Variants in PCSK6 observed in about 807,000 individuals in gnomAD.
PCSK6 encodes paired basic amino acid cleaving enzyme 4.
In PCSK6, 85 loss-of-function variants were observed where a neutral mutation model predicts 123.3. The ratio of observed to expected loss-of-function variants is 0.69; its 90% CI spans 0.58 to 0.83. The LOEUF (loss-of-function observed/expected upper bound fraction) is 0.83. PCSK6 is among the 40% of genes least tolerant of loss of function. The pLI is 0.00. For synonymous variants in PCSK6, 508 were observed against 516.0 expected, an observed-to-expected ratio of 0.98 and a Z score of 0.21; for missense variants, 1,191 against 1,282.3, an observed-to-expected ratio of 0.93 and a Z score of 1.09.
At chr15:101,365,105 T>A in intron 13 of PCSK6, 1 of 705,118 alleles carries the variant, frequency 1.4e-6, no homozygotes, top group Admixed American at 1.8e-5. Flanking sequence ...TACAAAAGAA[T>A]GAGTTTGGAC....
At chr15:101,479,104 T>A (rs2057804127) in intron 1 of PCSK6, among the ~76,000 whole-genome samples, 1 of 152,098 alleles carries the variant, frequency 6.6e-6, no homozygotes, top group Admixed American at 6.5e-5. Flanking sequence ...GTCCAGAGGG[T>A]CTAGCGGGGA....
intron 13 of PCSK6, among the ~76,000 whole-genome samples, chr15:101,348,534 T>C (rs2040803610): frequency 1.3e-5 from 2 of 152,338 alleles, no homozygotes; most frequent in East Asian, 3.9e-4. Flanking sequence ...GAATTCGATA[T>C]GTAACTGACA....
At chr15:101,426,319 G>A (rs2056253397) in intron 6 of PCSK6, among the ~76,000 whole-genome samples, 3 of 152,214 alleles carry the variant, frequency 2.0e-5, no homozygotes, top group African/African-American at 4.8e-5. Context: ...CCTTGGCTCA[G>A]AGAGGTTATG....
chr15:101,331,530 G>C (rs1188395883), intron 15 of PCSK6, 121 bp downstream of exon 15: 3 of 832,236 alleles, frequency 3.6e-6, no homozygotes, highest in Non-Finnish European at 6.1e-6. Flanking sequence ...CTTTGGAAAG[G>C]GGGTGCTCCT....
chr15:101,473,261 G>A lies in PCSK6; in HGVS notation c.297+16113C>T, dbSNP rs140550280. Among the ~76,000 whole-genome samples, 554 of 151,982 alleles carry A rather than the reference G, an allele frequency of 3.6e-3. 3 individuals carry two copies. Among genetic ancestry groups the A allele is most frequent in the African/African-American group, 0.013 (540 of 41,462 alleles). ...CTGGCTAATTTTTTTATTTTTTGTAGAGACAGTGTCTCACTCTGTCATCCA... is the reference window on the plus strand; with the variant it reads ...CTGGCTAATTTTTTTATTTTTTGTAAAGACAGTGTCTCACTCTGTCATCCA... On this transcript the variant is annotated intron_variant, in intron 1 of 21. Transcript: ENST00000611716.
At chr15:101,427,027 G>A (rs755612352) in intron 6 of PCSK6, among the ~76,000 whole-genome samples, 7 of 152,216 alleles carry the variant, frequency 4.6e-5, no homozygotes, top group Admixed American at 1.3e-4. Context: ...CTCAGTTCCC[G>A]GGTCAGTGAC....
intron 6 of PCSK6, among the ~76,000 whole-genome samples, chr15:101,413,226 A>C (rs1391974528): frequency 6.6e-6 from 1 of 152,232 alleles, no homozygotes; most frequent in Non-Finnish European, 1.5e-5. Context: ...TGTATGTTTA[A>C]TATGTATGTA....
chr15:101,391,815 G>A (rs890315573), intron 8 of PCSK6, among the ~76,000 whole-genome samples: 8 of 149,600 alleles, frequency 5.3e-5, no homozygotes, highest in Non-Finnish European at 1.0e-4. Context: ...CCTCCTGTCA[G>A]AGCAGACTTC....
At chr15:101,420,990 A>C (rs1292482309) in intron 6 of PCSK6, among the ~76,000 whole-genome samples, 1 of 152,224 alleles carries the variant, frequency 6.6e-6, no homozygotes, top group East Asian at 1.9e-4. Flanking sequence ...TCTGTTGCCC[A>C]GGCTGGAGTG....
At chr15:101,376,326 T>C (rs1486404212) in intron 11 of PCSK6, among the ~76,000 whole-genome samples, 1 of 152,170 alleles carries the variant, frequency 6.6e-6, no homozygotes, top group Non-Finnish European at 1.5e-5. Flanking sequence ...CACTGTCTAG[T>C]GTCAAACAGC....
intron 21 of PCSK6, among the ~76,000 whole-genome samples, chr15:101,306,848 G>C (rs2039733746): frequency 1.3e-5 from 2 of 152,122 alleles, no homozygotes; most frequent in African/African-American, 4.8e-5. Flanking sequence ...AGGCTTCCTG[G>C]CTTTGACCCC....
chr15:101,436,292 G>A (rs890696521), intron 2 of PCSK6, among the ~76,000 whole-genome samples: 2 of 152,120 alleles, frequency 1.3e-5, no homozygotes, highest in African/African-American at 2.4e-5. Flanking sequence ...CTCCCCCAGC[G>A]GTCCAGGGGT....
intron 13 of PCSK6, among the ~76,000 whole-genome samples, chr15:101,332,707 T>G (rs1231233232): frequency 6.6e-6 from 1 of 152,124 alleles, no homozygotes. Flanking sequence ...ATGGGGGACA[T>G]CAGAGACAGA....
At chr15:101,466,446 A>T (rs1048414302) in intron 1 of PCSK6, among the ~76,000 whole-genome samples, 1 of 152,204 alleles carries the variant, frequency 6.6e-6, no homozygotes, top group Admixed American at 6.5e-5. Context: ...GCAGTTTCTC[A>T]GAAATGTAAA....
At chr15:101,352,635 T>C (rs1428540042) in intron 13 of PCSK6, among the ~76,000 whole-genome samples, 1 of 152,256 alleles carries the variant, frequency 6.6e-6, no homozygotes, top group Non-Finnish European at 1.5e-5. Flanking sequence ...GTTCCCTTGA[T>C]CGGTCTATTC....
At position 101,364,945 on chromosome 15, in the gene PCSK6, C is replaced by G. The variant is rs751444225; in HGVS notation, c.1858+1251G>C. On this transcript the variant is annotated intron_variant, in intron 13 of 21. Coordinates refer to ENST00000611716, the MANE Select transcript of PCSK6 (RefSeq NM_002570.5). ...AGTGATCAAAACAATATGGTACTGACTCCAAGATAGATATACAGACCAATG... is the reference window on the plus strand; with the variant it reads ...AGTGATCAAAACAATATGGTACTGAGTCCAAGATAGATATACAGACCAATG... 10 of 769,840 alleles carry G rather than the reference C, an allele frequency of 1.3e-5. No individual in the cohort carries two copies. The East Asian group carries it at 2.4e-4, about 19-fold the overall frequency. The allele number at this position is 769,840 out of a possible 1,614,324, so 47.7% of individuals were successfully genotyped here.
intron 13 of PCSK6, among the ~76,000 whole-genome samples, chr15:101,357,922 C>A (rs2141428161): frequency 6.6e-6 from 1 of 152,350 alleles, no homozygotes; most frequent in Non-Finnish European, 1.5e-5. Context: ...AGCATCCTCC[C>A]AGAGGCAGCA....
intron 7 of PCSK6, among the ~76,000 whole-genome samples, chr15:101,397,191 G>A (rs1458464348): frequency 6.6e-6 from 1 of 152,128 alleles, no homozygotes; most frequent in Non-Finnish European, 1.5e-5. Flanking sequence ...CTGATAAGAG[G>A]AAATTAACAG....
chr15:101,486,538 C>A (rs899386787), intron 1 of PCSK6, among the ~76,000 whole-genome samples: 6 of 152,104 alleles, frequency 3.9e-5, no homozygotes, highest in Non-Finnish European at 8.8e-5. Flanking sequence ...CCTTTGAAAT[C>A]CTGTGGTGTT....
Sources: gnomAD v4.1 joint callset for allele counts (sites outside exome capture counted in the v4.1 genomes callset) on GRCh38, gnomAD v4.1.1 for gene constraint, MANE v1.5 for transcripts, NCBI Gene and HGNC (gene_info 2026-07-23, HGNC 2026-07-21) for gene names.